Variants in DUSP26 observed in about 807,000 individuals in gnomAD.
DUSP26 encodes the protein dual specificity protein phosphatase 26.
A neutral mutation model predicts 20.0 loss-of-function variants in DUSP26; 12 were observed. That is an observed-to-expected ratio of 0.60 (90% confidence interval 0.38 to 0.97). The LOEUF (loss-of-function observed/expected upper bound fraction) is 0.97, where lower values mean the gene tolerates loss of function less well. DUSP26 is among the 50% of genes least tolerant of loss of function. DUSP26 has a pLI of 0.00. For missense variants in DUSP26, 230 were observed against 294.0 expected, an observed-to-expected ratio of 0.78 and a Z score of 1.59; for synonymous variants, 120 against 118.8, an observed-to-expected ratio of 1.01 and a Z score of -0.06.
chr8:33,593,928 T>A (rs1226529912), intron 2 of DUSP26, among the ~76,000 whole-genome samples, 181 bp from the exon 3 acceptor site: 19 of 152,104 alleles, frequency 1.2e-4, no homozygotes, highest in African/African-American at 4.6e-4. Context: ...CAAACGATTC[T>A]CCTGCCTCAG....
At chr8:33,597,642 C>T (rs1395404897) in intron 1 of DUSP26, 51 bp from the exon 2 acceptor site, 1 of 742,710 alleles carries the variant, frequency 1.3e-6, no homozygotes, top group South Asian at 1.9e-5. Flanking sequence ...AGAGCAGCTG[C>T]TTCCCTTCCC....
chr8:33,598,462 TTTGTC>T (rs1234269179), intron 1 of DUSP26, among the ~76,000 whole-genome samples: 2 of 137,062 alleles, frequency 1.5e-5, no homozygotes, highest in African/African-American at 2.8e-5. Context: ...GTTGGAGTGT[TTTGTC>T]TGTGTGTGTC....
At chr8:33,599,354 C>G (rs1352147530) in intron 1 of DUSP26, among the ~76,000 whole-genome samples, 1 of 152,204 alleles carries the variant, frequency 6.6e-6, no homozygotes, top group Non-Finnish European at 1.5e-5. Context: ...GCAGAAGCCC[C>G]TTTCTGTCCA....
intron 2 of DUSP26, among the ~76,000 whole-genome samples, chr8:33,596,295 A>G (rs1811143361): frequency 6.6e-6 from 1 of 151,316 alleles, no homozygotes; most frequent in Non-Finnish European, 1.5e-5. Flanking sequence ...AACAACAACA[A>G]TGCTGGGCAC....
At chr8:33,593,122 A>G (rs903230639) in intron 3 of DUSP26, among the ~76,000 whole-genome samples, 13 of 152,072 alleles carry the variant, frequency 8.5e-5, no homozygotes, top group Non-Finnish European at 1.5e-5. Context: ...AAATACAAAA[A>G]TTAGCTGGAT....
In DUSP26 at chr8:33,597,150, C is replaced by T. The variant is rs1035090254; in HGVS notation, c.221+145G>A. ...CCAAACTCTCCCAAACCTGCAGCCT[C>T]TACTCTTGGCCCATGTGCCCTATCC... is the stretch of plus-strand genomic sequence containing the variant. On this transcript the variant is annotated intron_variant, in intron 2 of 3. Transcript: ENST00000256261. 2.8e-5 allele frequency: 22 copies of T among 779,804 alleles called. No individual in the cohort carries two copies. The African/African-American group carries it at 3.9e-4, about 14-fold the overall frequency. The allele number at this position is 779,804 out of a possible 1,614,324, so 48.3% of individuals were successfully genotyped here.
At chr8:33,593,813 A>G in intron 2 of DUSP26, 66 bp from the exon 3 acceptor site, 1 of 1,554,878 alleles carries the variant, frequency 6.4e-7, no homozygotes, top group South Asian at 1.1e-5. Flanking sequence ...TCCCTTGTCT[A>G]CACCCTGTTA....
intron 1 of DUSP26, among the ~76,000 whole-genome samples, chr8:33,599,028 T>C (rs184464387): frequency 1.3e-5 from 2 of 152,146 alleles, no homozygotes; most frequent in East Asian, 3.9e-4. Flanking sequence ...CCAGGATTGG[T>C]GAGGGAAGAT....
At chr8:33,592,802 A>G (rs1811053722) in intron 3 of DUSP26, among the ~76,000 whole-genome samples, 1 of 152,204 alleles carries the variant, frequency 6.6e-6, no homozygotes, top group South Asian at 2.1e-4. Context: ...GAATGAGTCC[A>G]TTGAAAACAC....
At position 33,592,003 on chromosome 8, in the gene DUSP26, C is replaced by G; in HGVS notation, c.*10G>C. The G allele has an allele frequency of 6.2e-7, 1 of 1,612,656 alleles. No homozygotes were observed. The highest frequency in any genetic ancestry group is 8.5e-7 in the Non-Finnish European group (1 of 1,179,972). On this transcript the variant is annotated 3_prime_UTR_variant, in exon 4 of 4. Coordinates refer to ENST00000256261, the MANE Select transcript of DUSP26 (RefSeq NM_024025.3). ...CCCACGGGCCTGGCCTGACCTCTCT[C>G]CCCCTCCCCTCATGCTTCCAGACCC...
chr8:33,591,823 ACCACACTG>A lies in DUSP26; in HGVS notation c.*182_*189del, dbSNP rs2128845640. 1.5e-6 allele frequency: 1 copy of A among 652,500 alleles called. No individual in the cohort carries two copies. Among genetic ancestry groups the A allele is most frequent in the East Asian group, 2.9e-5 (1 of 34,240 alleles). 40.4% of individuals were successfully genotyped at this position (652,500 alleles called of 1,614,324 possible). ...GTCAACCCTTCCTGGGTGCCCATCCACCACACTGCCCAACCTCACTCCCCGTCCCCTCC... is the reference window on the plus strand; with the variant it reads ...GTCAACCCTTCCTGGGTGCCCATCCACCCAACCTCACTCCCCGTCCCCTCC... On this transcript the variant is annotated 3_prime_UTR_variant, in exon 4 of 4. Coordinates refer to ENST00000256261, the MANE Select transcript of DUSP26 (RefSeq NM_024025.3).
intron 3 of DUSP26, among the ~76,000 whole-genome samples, chr8:33,592,755 C>G (rs1325573407): frequency 6.6e-6 from 1 of 151,990 alleles, no homozygotes; most frequent in Non-Finnish European, 1.5e-5. Flanking sequence ...TGGAGACTCA[C>G]CACTGATGTA....
Position 33,591,940 on chromosome 8 carries a change from C to T in DUSP26, c.*73G>A, listed in dbSNP as rs1811029116. 6.3e-7 allele frequency: 1 copy of T among 1,575,190 alleles called. No homozygotes were observed. The highest frequency in any genetic ancestry group is 1.1e-5 in the South Asian group (1 of 88,900). ...GATCTGGGCCTCCTGCTACCTGCCACCTGGGCCTCCTATCTCCAGCTGGGA... is the reference window on the plus strand; with the variant it reads ...GATCTGGGCCTCCTGCTACCTGCCATCTGGGCCTCCTATCTCCAGCTGGGA... On this transcript the variant is annotated 3_prime_UTR_variant, in exon 4 of 4. Transcript: ENST00000256261.
intron 2 of DUSP26, among the ~76,000 whole-genome samples, chr8:33,595,944 T>C (rs921330723): frequency 6.6e-6 from 1 of 152,092 alleles, no homozygotes; most frequent in Admixed American, 6.6e-5. Context: ...GTGATACCTA[T>C]CTCACAGGGC....
At chr8:33,593,963 G>A (rs925957251) in intron 2 of DUSP26, among the ~76,000 whole-genome samples, 1 of 152,096 alleles carries the variant, frequency 6.6e-6, no homozygotes, top group African/African-American at 2.4e-5. Flanking sequence ...GGGATTACAG[G>A]CACATGCCAC....
In DUSP26 at chr8:33,593,868, G is replaced by A. The variant is rs1461850553; in HGVS notation, c.222-121C>T. ...TGATTTTTTTTTGAGATGGAGTCTC[G>A]CTCTGTTTCCTAGGCCAGAGTGCTC... On this transcript the variant is annotated intron_variant, in intron 2 of 3. Transcript: ENST00000256261. 8.6e-6 allele frequency: 10 copies of A among 1,165,080 alleles called. No individual in the cohort carries two copies. In the African/African-American group the frequency reaches 1.1e-4, roughly 12 times the overall value. 72.2% of individuals were successfully genotyped at this position (1,165,080 alleles called of 1,614,324 possible). A position where few individuals can be genotyped will look rare whatever the true frequency, so the allele number is the denominator to read the frequency against.
chr8:33,597,509 G>C lies in DUSP26; in HGVS notation c.7C>G (p.Pro3Ala). MCPGNWLWASMTF... is the reference protein window; with the variant it reads MCAGNWLWASMTF... ...ATAGAAGCCCAAAGCCAGTTACCAG[G>C]GCACATCTTAGAGGTGGCAGAAACC... The change falls in exon 2 of 4, where the codon CCT becomes GCT. Residue 3 changes from proline to alanine, a missense_variant. Transcript: ENST00000256261. 6.2e-7 allele frequency: 1 copy of C among 1,610,614 alleles called. No individual in the cohort carries two copies.
chr8:33,596,445 G>A (rs941820849), intron 2 of DUSP26, among the ~76,000 whole-genome samples: 1 of 152,000 alleles, frequency 6.6e-6, no homozygotes, highest in Admixed American at 6.6e-5. Flanking sequence ...AGCCGGGCAA[G>A]GCGGTGTGTG....
Position 33,591,651 on chromosome 8 carries a change from C to T in DUSP26, c.*362G>A, listed in dbSNP as rs1811020814. 2 of 282,722 alleles carry T rather than the reference C, an allele frequency of 7.1e-6. No homozygotes were observed. The highest frequency in any genetic ancestry group is 1.4e-5 in the Non-Finnish European group (2 of 147,704). 17.5% of individuals were successfully genotyped at this position (282,722 alleles called of 1,614,324 possible). A position where few individuals can be genotyped will look rare whatever the true frequency, so the allele number is the denominator to read the frequency against. On this transcript the variant is annotated 3_prime_UTR_variant, in exon 4 of 4. Transcript: ENST00000256261. ...GCACAAGTGCAGGGCAGAGATGGCC[C>T]TTTTGTTTTGGTGAGGGAGAGAGGG...
Sources: allele counts gnomAD v4.1 joint callset (sites outside exome capture counted in the v4.1 genomes callset), GRCh38; gene constraint gnomAD v4.1.1; transcripts MANE v1.5; gene names NCBI Gene and HGNC (gene_info 2026-07-23, HGNC 2026-07-21).